Variants in PLXNB1 observed in about 807,000 individuals in gnomAD.
The protein encoded by PLXNB1 is plexin B1, also known as plexin-B1.
PLXNB1 carries 106 observed loss-of-function variants against 209.4 expected under a neutral mutation model. The observed-to-expected ratio is 0.51, with a 90% CI of 0.43 to 0.59. The LOEUF (loss-of-function observed/expected upper bound fraction) is 0.59. Ranked by LOEUF, PLXNB1 falls within the 20% of genes least tolerant of loss-of-function variation. The probability of loss-of-function intolerance (pLI) is 0.00; values close to 1 mark genes in which losing one functional copy is unlikely to be tolerated. For synonymous variants in PLXNB1, 1,167 were observed against 1,183.2 expected (o/e 0.99, Z 0.28); for missense variants, 2,357 against 2,853.2 (o/e 0.83, Z 3.96).
rs1340117398 is a variant in PLXNB1, at chr3:48,424,463, C to T, written c.149G>A (p.Gly50Glu). Residue 50 changes from glycine (G) to glutamate (E), a missense_variant, in exon 3 of 38, where the codon GGG becomes GAG. Gly to Glu is a moderately conservative substitution (Grantham distance 98). This residue lies in a region of PLXNB1 where 107 missense variants were observed against 167.2 expected (regional missense o/e 0.64). Coordinates refer to ENST00000296440, the MANE Select transcript of PLXNB1 (RefSeq NM_001130082.3). ...CAGCTGGAACAGGAAGTTGGTAGCC[C>T]CCAGGTAGAGGGTGCCTGAGGTGGG... ...RDPTSGTLYL[G>E]ATNFLFQLSP... The T allele has an allele frequency of 6.3e-7, 1 of 1,597,962 alleles. No individual in the cohort carries two copies. Among genetic ancestry groups the T allele is most frequent in the Non-Finnish European group, 8.5e-7 (1 of 1,172,354 alleles).
chr3:48,409,536 C>A lies in PLXNB1; in HGVS notation c.5939+35G>T, dbSNP rs1038189637. The stretch of plus-strand genomic sequence containing the variant: ...TGGGGAGGCAGAAGAGAAGACCCCC[C>A]ACACACACCTAGAGCCCACCCAGCT... On this transcript the variant is annotated intron_variant, in intron 33 of 37. Coordinates refer to ENST00000296440, the MANE Select transcript of PLXNB1 (RefSeq NM_001130082.3). The surrounding 1 kb of genome is among the most constrained non-coding windows in gnomAD (Gnocchi z 5.8). 3.7e-6 allele frequency: 6 copies of A among 1,613,836 alleles called. No individual in the cohort carries two copies. The highest frequency in any genetic ancestry group is 5.1e-6 in the Non-Finnish European group (6 of 1,179,802).
intron 3 of PLXNB1, among the ~76,000 whole-genome samples, chr3:48,423,209 A>T (rs2038647882): frequency 6.6e-6 from 1 of 151,926 alleles, no homozygotes; most frequent in Non-Finnish European, 1.5e-5. Context: ...ATTCCATTCT[A>T]GGTCCCTGTC....
intron 5 of PLXNB1, 44 bp downstream of exon 5, chr3:48,422,287 G>A (rs1217136269): frequency 6.2e-7 from 1 of 1,611,274 alleles, no homozygotes. Context: ...CCCACCCAGA[G>A]GCCCCTCCCA....
rs2037643355 is a variant in PLXNB1, at chr3:48,410,972, A to G, written c.5312T>C (p.Val1771Ala). 6.2e-7 allele frequency: 1 copy of G among 1,613,624 alleles called. No homozygotes were observed. The highest frequency in any genetic ancestry group is 1.3e-5 in the African/African-American group (1 of 74,854). The change falls in exon 29 of 38, where the codon GTC (valine) becomes GCC (alanine). Residue 1771 changes from valine to alanine, a missense_variant. By Grantham distance (64) the Val-to-Ala change is moderately conservative. Transcript: ENST00000296440. This position sits in a 1 kb window ranked among gnomAD's most constrained non-coding sequence, Gnocchi z 6.4. Reference protein sequence around the residue: ...AGEAQGVPVKVLDCDTISQAK... With the variant: ...AGEAQGVPVKALDCDTISQAK... Reference sequence around the variant, plus strand: ...CTGGGAGATGGTGTCACAGTCTAGGACCTTCACGGGCACGCCCTGGGCCTC... The same window carrying G: ...CTGGGAGATGGTGTCACAGTCTAGGGCCTTCACGGGCACGCCCTGGGCCTC...
At chr3:48,422,508 C>A (rs1575407809) in intron 4 of PLXNB1, 49 bp from the exon 5 acceptor site, 1 of 1,514,172 alleles carries the variant, frequency 6.6e-7, no homozygotes, top group Non-Finnish European at 8.8e-7. Flanking sequence ...TGGCCAGAGG[C>A]CCAAAGCCCT....
intron 4 of PLXNB1, 141 bp from the exon 5 acceptor site, chr3:48,422,600 G>A (rs1224415423): frequency 2.4e-6 from 3 of 1,268,942 alleles, no homozygotes; most frequent in African/African-American, 1.5e-5. Flanking sequence ...GGCCTAGCGG[G>A]GATGGAGGAA....
chr3:48,408,352 C>G (rs2037442408), intron 34 of PLXNB1, among the ~76,000 whole-genome samples: 2 of 152,072 alleles, frequency 1.3e-5, no homozygotes, highest in South Asian at 4.1e-4. Flanking sequence ...ATGTATCTCT[C>G]AAGAAGTCCC....
intron 21 of PLXNB1, 144 bp from the exon 22 acceptor site, chr3:48,414,215 ACG>A: frequency 1.4e-6 from 1 of 712,320 alleles, no homozygotes; most frequent in South Asian, 1.7e-5. Flanking sequence ...GGCCAGTCAC[ACG>A]GTGTCCTCCA....
chr3:48,419,226 C>A lies in PLXNB1; in HGVS notation c.2832+18G>T. Reference sequence around the variant, plus strand: ...GCTAAGGAGGCTGCAAGGACAGCGGCAGGCAGGACACACTGACCTGGAAAA... The same window carrying A: ...GCTAAGGAGGCTGCAAGGACAGCGGAAGGCAGGACACACTGACCTGGAAAA... On this transcript the variant is annotated intron_variant, in intron 12 of 37. Transcript: ENST00000296440. The surrounding 1 kb of genome is among the most constrained non-coding windows in gnomAD (Gnocchi z 5.7). The A allele has an allele frequency of 6.5e-7, 1 of 1,548,922 alleles. No individual in the cohort carries two copies. Among genetic ancestry groups the A allele is most frequent in the South Asian group, 1.2e-5 (1 of 81,426 alleles).
rs1435940541 is a variant in PLXNB1, at chr3:48,415,973, C to T, written c.3617+58G>A. 9 of 1,548,690 alleles carry T rather than the reference C, an allele frequency of 5.8e-6. No homozygotes were observed. The highest frequency in any genetic ancestry group is 4.1e-5 in the African/African-American group (3 of 73,452). ...TTCTGCTCTCCCCAGGATCTCAGAC[C>T]CCTCCATCTTTCCCCTGGAGCAGAT... On this transcript the variant is annotated intron_variant, in intron 18 of 37. Transcript: ENST00000296440. This position sits in a 1 kb window ranked among gnomAD's most constrained non-coding sequence, Gnocchi z 5.0.
chr3:48,426,872 G>C (rs901719279), intron 1 of PLXNB1, among the ~76,000 whole-genome samples: 11 of 152,300 alleles, frequency 7.2e-5, no homozygotes. Flanking sequence ...CCCCCACCTA[G>C]TTTCCAAGGG....
At chr3:48,412,347 G>C in intron 26 of PLXNB1, 43 bp from the exon 27 acceptor site, 1 of 1,611,306 alleles carries the variant, frequency 6.2e-7, no homozygotes, top group East Asian at 2.2e-5. Context: ...AGCAGGTGGG[G>C]CTGCGGGCCT....
rs200158236 is a variant in PLXNB1 at position 48,412,596 on chromosome 3, G to A, written c.4879C>T (p.Arg1627Cys). 3.5e-5 allele frequency: 57 copies of A among 1,613,442 alleles called. No homozygotes were observed. Among genetic ancestry groups the A allele is most frequent in the East Asian group, 4.5e-5 (2 of 44,898 alleles). The change falls in exon 26 of 38, where the codon CGC becomes TGC. Residue 1627 changes from arginine to cysteine, a missense_variant. Coordinates refer to ENST00000296440, the MANE Select transcript of PLXNB1 (RefSeq NM_001130082.3). Reference protein sequence around the residue: ...TKFIHTLESQRTFSARDRAYV... With the variant: ...TKFIHTLESQCTFSARDRAYV... ...GCACGGTCCCGAGCTGAAAAGGTGC[G>A]CTGGCTCTCCAGCGTGTGGATGAAC...
chr3:48,406,034 C>T lies in PLXNB1; in HGVS notation c.6229-236G>A, dbSNP rs534957084. On this transcript the variant is annotated intron_variant, in intron 36 of 37. Coordinates refer to ENST00000296440, the MANE Select transcript of PLXNB1 (RefSeq NM_001130082.3). This position sits in a 1 kb window ranked among gnomAD's most constrained non-coding sequence, Gnocchi z 4.4. ...GGGCCTCCTTGGTAGGAAGACAGCCCAGGTCTACCTGCTTCAGCAAGGTCT... is the reference window on the plus strand; with the variant it reads ...GGGCCTCCTTGGTAGGAAGACAGCCTAGGTCTACCTGCTTCAGCAAGGTCT... The T allele has an allele frequency of 2.2e-6, 1 of 464,520 alleles. No homozygotes were observed. Among genetic ancestry groups the T allele is most frequent in the African/African-American group, 2.0e-5 (1 of 50,490 alleles). The allele number at this position is 464,520 out of a possible 1,614,324, so 28.8% of individuals were successfully genotyped here.
In PLXNB1 at chr3:48,409,515, G is replaced by C; in HGVS notation, c.5940-39C>G. The C allele has an allele frequency of 6.2e-7, 1 of 1,614,030 alleles. No individual in the cohort carries two copies. The highest frequency in any genetic ancestry group is 8.5e-7 in the Non-Finnish European group (1 of 1,179,956). ...AGGCATGGCCGATGAATGTGCTGGG[G>C]AGGCAGAAGAGAAGACCCCCCACAC... On this transcript the variant is annotated intron_variant, in intron 33 of 37. Coordinates refer to ENST00000296440, the MANE Select transcript of PLXNB1 (RefSeq NM_001130082.3). This position sits in a 1 kb window ranked among gnomAD's most constrained non-coding sequence, Gnocchi z 5.8.
At position 48,418,009 on chromosome 3, in the gene PLXNB1, G is replaced by A; in HGVS notation, c.3276C>T (p.Gly1092=). Residue 1092 remains glycine (G), a synonymous_variant, in exon 16 of 38, where the codon GGC becomes GGT. Coordinates refer to ENST00000296440, the MANE Select transcript of PLXNB1 (RefSeq NM_001130082.3). This position sits in a 1 kb window ranked among gnomAD's most constrained non-coding sequence, Gnocchi z 6.6. ...VDGGTRVTIR[G]SNLGQHVQDV... is the part of the protein sequence containing the mutation. ...CCTGCACATGCTGGCCCAGGTTGGA[G>A]CCCCTGATGGTGACACGGGTGCCTC... 1 of 1,613,514 alleles carries A rather than the reference G, an allele frequency of 6.2e-7. No individual in the cohort carries two copies. Among genetic ancestry groups the A allele is most frequent in the Non-Finnish European group, 8.5e-7 (1 of 1,180,008 alleles).
Position 48,413,163 on chromosome 3 carries a change from C to A in PLXNB1, c.4542G>T (p.Lys1514Asn), listed in dbSNP as rs1404060695. The A allele has an allele frequency of 6.2e-7, 1 of 1,611,224 alleles. No individual in the cohort carries two copies. The highest frequency in any genetic ancestry group is 2.2e-5 in the East Asian group (1 of 44,900). Residue 1514 changes from lysine to asparagine, a missense_variant, in exon 24 of 38, where the codon AAG becomes AAT. By Grantham distance (94) the Lys-to-Asn change is moderately conservative. Coordinates refer to ENST00000296440, the MANE Select transcript of PLXNB1 (RefSeq NM_001130082.3). This position sits in a 1 kb window ranked among gnomAD's most constrained non-coding sequence, Gnocchi z 5.4. ...VIIIVLMYRR[K>N]SKQALRDYKK... is the part of the protein sequence containing the mutation. ...TATAGTCCCTCAGGGCCTGCTTGCT[C>A]TTCCTCCTGCTCAGCCCCAGGGTCA...
rs778888363 is a variant in PLXNB1 at position 48,409,514 on chromosome 3, G to A, written c.5940-38C>T. On this transcript the variant is annotated intron_variant, in intron 33 of 37. Transcript: ENST00000296440. The surrounding 1 kb of genome is among the most constrained non-coding windows in gnomAD (Gnocchi z 5.8). ...CAGGCATGGCCGATGAATGTGCTGGGGAGGCAGAAGAGAAGACCCCCCACA... is the reference window on the plus strand; with the variant it reads ...CAGGCATGGCCGATGAATGTGCTGGAGAGGCAGAAGAGAAGACCCCCCACA... 82 of 1,613,908 alleles carry A rather than the reference G, an allele frequency of 5.1e-5. No individual in the cohort carries two copies. Among genetic ancestry groups the A allele is most frequent in the Admixed American group, 3.3e-5 (2 of 59,990 alleles).
In PLXNB1 at chr3:48,424,246, C is replaced by A. The variant is rs2038755321; in HGVS notation, c.366G>T (p.Arg122=). Residue 122 remains arginine, a synonymous_variant, in exon 3 of 38, where the codon CGG becomes CGT. Transcript: ENST00000296440. ...GCAGCTGCTCGAGCTGCCCCAGGCG[C>A]CGCTGTTCACAGACCCCCTGGTGCA... ...GSVHQGVCEQ[R]RLGQLEQLLL... The A allele has an allele frequency of 6.2e-7, 1 of 1,602,194 alleles. No individual in the cohort carries two copies. The highest frequency in any genetic ancestry group is 8.5e-7 in the Non-Finnish European group (1 of 1,174,422).
Sources: gnomAD v4.1 joint callset for allele counts (sites outside exome capture counted in the v4.1 genomes callset) on GRCh38, gnomAD v4.1.1 for gene constraint, gnomAD v4.1.1 regional missense constraint, Gnocchi (gnomAD v3.1) non-coding constraint, MANE v1.5 for transcripts, NCBI Gene and HGNC (gene_info 2026-07-23, HGNC 2026-07-21) for gene names.